The following SLC13A3 variants were observed in gnomAD, a reference collection of about 807,000 sequenced individuals.
SLC13A3 encodes solute carrier family 13 member 3.
A neutral mutation model predicts 59.0 loss-of-function variants in SLC13A3; 40 were observed. That is an observed-to-expected ratio of 0.68 (90% confidence interval 0.53 to 0.88). The LOEUF is 0.88. Ranked by LOEUF, SLC13A3 falls within the 40% of genes least tolerant of loss-of-function variation. The pLI is 0.00. For missense variants in SLC13A3, 699 were observed against 783.2 expected (o/e 0.89, Z 1.28); for synonymous variants, 317 against 330.3 (o/e 0.96, Z 0.44).
upstream of SLC13A3, among the ~76,000 whole-genome samples, chr20:46,671,254 C>A (rs6124849): frequency 0.055 from 8,430 of 152,232 alleles, 413 homozygotes; most frequent in South Asian, 0.14. Context: ...GCCTCCTCAC[C>A]CCAATTTGGG....
intron 1 of SLC13A3, among the ~76,000 whole-genome samples, chr20:46,667,741 GCAT>G (rs1460754990): frequency 6.6e-6 from 1 of 152,160 alleles, no homozygotes; most frequent in Non-Finnish European, 1.5e-5. Context: ...ATGTGTACAG[GCAT>G]ATCTTGTCTC....
At chr20:46,633,484 C>T (rs2425887) in intron 1 of SLC13A3, among the ~76,000 whole-genome samples, 52,638 of 152,082 alleles carry the variant, frequency 0.35, 9,759 homozygotes, top group East Asian at 0.53. Flanking sequence ...TTAGGCCATC[C>T]TCAGAGAATG....
rs1415759251 is a variant in SLC13A3, at chr20:46,667,581, C to A, written c.-31+2462G>T. Among the ~76,000 whole-genome samples the A allele has an allele frequency of 4.6e-5, 7 of 152,200 alleles. No individual in the cohort carries two copies. The East Asian group carries it at 1.3e-3, about 29-fold the overall frequency. On this transcript the variant is annotated intron_variant, in intron 1 of 12. Transcript: ENST00000290317. The stretch of plus-strand genomic sequence containing the variant: ...AGTACTTTACCTGTCTTAACTCATT[C>A]CATCCTTATAAAATCCATGCATTAC...
chr20:46,579,099 C>G (rs1600511600), intron 9 of SLC13A3, among the ~76,000 whole-genome samples: 1 of 152,134 alleles, frequency 6.6e-6, no homozygotes, highest in African/African-American at 2.4e-5. Context: ...TCCTGTCTCT[C>G]TCTTTCCCTT....
chr20:46,574,786 C>A (rs1014545441), intron 10 of SLC13A3, among the ~76,000 whole-genome samples: 2 of 151,058 alleles, frequency 1.3e-5, no homozygotes, highest in African/African-American at 4.9e-5. Context: ...TACCTTCTAG[C>A]TTTGTTGGGA....
At chr20:46,607,973 G>A (rs1467775219) in intron 3 of SLC13A3, among the ~76,000 whole-genome samples, 1 of 152,172 alleles carries the variant, frequency 6.6e-6, no homozygotes, top group Non-Finnish European at 1.5e-5. Context: ...GGTTATTATT[G>A]CTTAGAGGCC....
At chr20:46,642,942 G>A (rs2062858979) in intron 1 of SLC13A3, among the ~76,000 whole-genome samples, 1 of 152,214 alleles carries the variant, frequency 6.6e-6, no homozygotes, top group Non-Finnish European at 1.5e-5. Flanking sequence ...GTCTCCTCCT[G>A]TCTGCACGTG....
At position 46,563,342 on chromosome 20, in the gene SLC13A3, A is replaced by G. The variant is rs538450030; in HGVS notation, c.1632+72T>C. 1.5e-5 allele frequency: 24 copies of G among 1,557,204 alleles called. No individual in the cohort carries two copies. The Middle Eastern group carries it at 6.1e-4, about 40-fold the overall frequency. On this transcript the variant is annotated intron_variant, in intron 12 of 12. Transcript: ENST00000279027. ...TGGGGTCAGCGTGCAGGAGTCCTGC[A>G]TAGAGGCCTTGCCCGCCCCCTTGCG...
At chr20:46,655,474 T>G (rs1469649934), upstream of SLC13A3, among the ~76,000 whole-genome samples, 2 of 148,436 alleles carry the variant, frequency 1.3e-5, no homozygotes, top group African/African-American at 4.9e-5. Context: ...AGAGCCAACA[T>G]GTATATATAT....
intron 5 of SLC13A3, among the ~76,000 whole-genome samples, chr20:46,593,442 A>G (rs771399581): frequency 6.6e-6 from 1 of 152,210 alleles, no homozygotes; most frequent in Non-Finnish European, 1.5e-5. Context: ...GGTAAATAAT[A>G]AACCAAAACC....
rs1489083223 is a variant in SLC13A3 at position 46,583,570 on chromosome 20, A to G, written c.1219+2T>C. The G allele has an allele frequency of 1.9e-6, 3 of 1,613,688 alleles. No homozygotes were observed. ...CCGAGACCCCAGCCTTGACCACCTT[A>G]CCTTTGAAGTCAAACCACCACTTGA... On this transcript the variant is annotated splice_donor_variant, in intron 9 of 12. Coordinates refer to ENST00000279027, the MANE Select transcript of SLC13A3 (RefSeq NM_022829.6). LOFTEE classifies it high-confidence loss of function.
chr20:46,626,123 GTCTC>G (rs997252516), intron 1 of SLC13A3, among the ~76,000 whole-genome samples: 1 of 89,620 alleles, frequency 1.1e-5, no homozygotes, highest in Non-Finnish European at 2.1e-5. Context: ...CTCTCTCTCT[GTCTC>G]TCTCTCTCTC....
chr20:46,602,975 T>C (rs2062394993), intron 3 of SLC13A3, among the ~76,000 whole-genome samples: 1 of 152,066 alleles, frequency 6.6e-6, no homozygotes, highest in Non-Finnish European at 1.5e-5. Context: ...GGTCGGGAGT[T>C]TGAGACCAGC....
chr20:46,597,871 T>C (rs987759888), intron 4 of SLC13A3, among the ~76,000 whole-genome samples: 4 of 152,258 alleles, frequency 2.6e-5, no homozygotes, highest in African/African-American at 7.2e-5. Flanking sequence ...ACATATGCAA[T>C]TGTAAATTGT....
At chr20:46,593,735 T>A (rs926023374) in intron 5 of SLC13A3, among the ~76,000 whole-genome samples, 3 of 152,082 alleles carry the variant, frequency 2.0e-5, no homozygotes, top group Non-Finnish European at 4.4e-5. Context: ...AATAAGACAA[T>A]ACATAGTCAC....
At chr20:46,584,088 A>G in intron 8 of SLC13A3, 2 of 985,342 alleles carry the variant, frequency 2.0e-6, no homozygotes, top group Non-Finnish European at 2.4e-6. Context: ...ATTGAGATAC[A>G]GCCCACTCAC....
chr20:46,575,819 T>C, intron 9 of SLC13A3, 134 bp from the exon 10 acceptor site: 1 of 507,120 alleles, frequency 2.0e-6, no homozygotes, highest in South Asian at 3.1e-5. Context: ...AGCATTTGAC[T>C]TGGAGCTTTA....
At chr20:46,670,784 C>A (rs2063086742), upstream of SLC13A3, among the ~76,000 whole-genome samples, 1 of 152,026 alleles carries the variant, frequency 6.6e-6, no homozygotes, top group African/African-American at 2.4e-5. Context: ...AATGTTGTTG[C>A]AACTTGTGAG....
chr20:46,631,318 G>A (rs1165112704), intron 1 of SLC13A3, among the ~76,000 whole-genome samples: 1 of 152,196 alleles, frequency 6.6e-6, no homozygotes, highest in African/African-American at 2.4e-5. Flanking sequence ...GAACAAAGTG[G>A]AGAAACCCTG....
Sources: allele counts gnomAD v4.1 joint callset (sites outside exome capture counted in the v4.1 genomes callset), GRCh38; gene constraint gnomAD v4.1.1; transcripts MANE v1.5; gene names NCBI Gene and HGNC (gene_info 2026-07-23, HGNC 2026-07-21).